Variants in TPP2 observed in about 807,000 individuals in gnomAD.
TPP2 encodes tripeptidyl-peptidase 2.
A neutral mutation model predicts 155.9 loss-of-function variants in TPP2; 34 were observed. The observed-to-expected ratio is 0.22, with a 90% CI of 0.17 to 0.29. TPP2 has a LOEUF of 0.29. TPP2 is among the 10% of genes least tolerant of loss of function. The probability of loss-of-function intolerance (pLI) is 1.00; values close to 1 mark genes in which losing one functional copy is unlikely to be tolerated. For missense variants in TPP2, 1,028 were observed against 1,522.3 expected (o/e 0.68, Z 5.40); for synonymous variants, 510 against 529.4 (o/e 0.96, Z 0.50).
chr13:102,628,101 C>T (rs1458121009), intron 8 of TPP2, among the ~76,000 whole-genome samples, 177 bp downstream of exon 8: 2 of 152,138 alleles, frequency 1.3e-5, no homozygotes, highest in African/African-American at 4.8e-5. Flanking sequence ...TCGTAGGCCG[C>T]ACACCCCCGT....
chr13:102,668,111 G>A (rs681612), intron 27 of TPP2, among the ~76,000 whole-genome samples: 123,668 of 152,026 alleles, frequency 0.81, 50,774 homozygotes, highest in African/African-American at 0.9. Flanking sequence ...AGTCAAATTT[G>A]TCTAGCGCAA....
At chr13:102,656,495 C>T (rs560821571) in intron 24 of TPP2, among the ~76,000 whole-genome samples, 4 of 152,144 alleles carry the variant, frequency 2.6e-5, no homozygotes, top group Admixed American at 2.6e-4. Flanking sequence ...TCGGCTCCCC[C>T]TCGTTACCTG....
At chr13:102,643,181 C>A (rs778929997) in intron 16 of TPP2, 41 bp from the exon 17 acceptor site, 1 of 1,531,020 alleles carries the variant, frequency 6.5e-7, no homozygotes, top group Admixed American at 2.2e-5. Context: ...AATTTTAGGT[C>A]TTATAAGTTT....
intron 5 of TPP2, 56 bp downstream of exon 5, chr13:102,618,902 G>A: frequency 6.4e-7 from 1 of 1,554,190 alleles, no homozygotes; most frequent in East Asian, 2.3e-5. Context: ...TTTCTACTCT[G>A]AAAAACATTA....
chr13:102,647,167 A>C (rs17507295), intron 20 of TPP2, 40 bp from the exon 21 acceptor site: 1 of 1,550,546 alleles, frequency 6.4e-7, no homozygotes, highest in Admixed American at 1.9e-5. Context: ...CAGAAATTAT[A>C]TGCAAATCAT....
chr13:102,619,748 CTT>C (rs1391983705), intron 5 of TPP2, among the ~76,000 whole-genome samples: 2 of 152,200 alleles, frequency 1.3e-5, no homozygotes. Context: ...GCACATAACT[CTT>C]TCAATCTAGA....
chr13:102,671,635 C>T (rs181995872), intron 27 of TPP2, among the ~76,000 whole-genome samples: 2 of 152,152 alleles, frequency 1.3e-5, no homozygotes, highest in African/African-American at 2.4e-5. Context: ...GTCAATTTTG[C>T]GTTACCAGGC....
chr13:102,637,271 A>G, intron 14 of TPP2, 32 bp downstream of exon 14: 1 of 1,560,464 alleles, frequency 6.4e-7, no homozygotes, highest in Non-Finnish European at 8.6e-7. Flanking sequence ...TACTTTCTTC[A>G]CTCTTTAAAA....
intron 14 of TPP2, 109 bp downstream of exon 14, chr13:102,637,348 C>G: frequency 2.5e-6 from 3 of 1,187,770 alleles, no homozygotes; most frequent in Non-Finnish European, 3.4e-6. Context: ...TAAGAAATAA[C>G]TAGACCTATC....
intron 6 of TPP2, among the ~76,000 whole-genome samples, chr13:102,625,677 A>G (rs900397816): frequency 1.3e-5 from 2 of 152,242 alleles, no homozygotes; most frequent in Non-Finnish European, 2.9e-5. Flanking sequence ...GAAATAAGAA[A>G]GCCAGAATCC....
At chr13:102,636,138 A>G (rs1441675944) in intron 12 of TPP2, 86 bp from the exon 13 acceptor site, 6 of 1,356,830 alleles carry the variant, frequency 4.4e-6, no homozygotes, top group Non-Finnish European at 6.0e-6. Flanking sequence ...TTGTTTTACA[A>G]CTGAAATCAA....
At chr13:102,605,270 G>A (rs911758737) in intron 2 of TPP2, among the ~76,000 whole-genome samples, 1 of 152,192 alleles carries the variant, frequency 6.6e-6, no homozygotes, top group Non-Finnish European at 1.5e-5. Context: ...GGGCCTCTCC[G>A]CAGTGCTGCA....
At chr13:102,613,064 A>T (rs927145271) in intron 2 of TPP2, among the ~76,000 whole-genome samples, 1 of 152,166 alleles carries the variant, frequency 6.6e-6, no homozygotes, top group Admixed American at 6.5e-5. Context: ...CAGAATTCCT[A>T]TTCTTTAAAG....
In TPP2 at chr13:102,604,863, C is replaced by T; in HGVS notation, c.236C>T (p.Ala79Val). 1 of 1,614,046 alleles carries T rather than the reference C, an allele frequency of 6.2e-7. No homozygotes were observed. The highest frequency in any genetic ancestry group is 8.5e-7 in the Non-Finnish European group (1 of 1,180,016). The change falls in exon 2 of 30, where the codon GCT becomes GTT. Residue 79 changes from alanine to valine, a missense_variant. Ala to Val is a moderately conservative substitution (Grantham distance 64, BLOSUM62 0). Coordinates refer to ENST00000376052, the MANE Select transcript of TPP2 (RefSeq NM_001330588.2). ...ACAGGAAGTGGCGATGTGAATACTG[C>T]TACAGAAGTAGAGCCAAAGGATGGT... ...DTTGSGDVNT[A>V]TEVEPKDGEI...
rs777613589 is a variant in TPP2, at chr13:102,664,804, A to G, written c.3250A>G (p.Lys1084Glu). Residue 1084 changes from lysine (K) to glutamate (E), a missense_variant, in exon 27 of 30, where the codon AAA becomes GAA. Lys to Glu is a moderately conservative substitution (Grantham distance 56). Transcript: ENST00000376052. ...HQLDAEKERMKRLNEIVDAAN... is the reference protein window; with the variant it reads ...HQLDAEKERMERLNEIVDAAN... Reference sequence around the variant, plus strand: ...CTTTTTTCCTCTCCAGGAACGAATGAAAAGACTTAATGAAATTGTTGATGC... The same window carrying G: ...CTTTTTTCCTCTCCAGGAACGAATGGAAAGACTTAATGAAATTGTTGATGC... 6.2e-7 allele frequency: 1 copy of G among 1,612,888 alleles called. No individual in the cohort carries two copies. The highest frequency in any genetic ancestry group is 1.1e-5 in the South Asian group (1 of 90,866).
rs79826600 is a variant in TPP2, at chr13:102,613,751, T to C, written c.295-350T>C. On this transcript the variant is annotated intron_variant, in intron 2 of 29. Coordinates refer to ENST00000376052, the MANE Select transcript of TPP2 (RefSeq NM_001330588.2). ...TTGTAAACTAGGCGTACTGTTTGCA[T>C]CGCTCTACTAAAAGTTTAAAGTGTT... 1.8e-3 allele frequency among the ~76,000 whole-genome samples: 267 copies of C among 152,334 alleles called. 5 individuals carry two copies. In the East Asian group the frequency reaches 0.048, roughly 27 times the overall value.
intron 25 of TPP2, among the ~76,000 whole-genome samples, chr13:102,659,411 T>C (rs595607): frequency 0.5 from 75,419 of 151,982 alleles, 19,098 homozygotes; most frequent in African/African-American, 0.6. Context: ...CAAATAGACA[T>C]AGCATGTTAA....
intron 10 of TPP2, among the ~76,000 whole-genome samples, chr13:102,632,306 A>G (rs1029997168): frequency 1.3e-5 from 2 of 151,226 alleles, no homozygotes; most frequent in Non-Finnish European, 2.9e-5. Flanking sequence ...GTGCAGTGGC[A>G]TGATCTCGGC....
At chr13:102,597,564 G>C (rs1032137414) in intron 1 of TPP2, among the ~76,000 whole-genome samples, 28 of 151,740 alleles carry the variant, frequency 1.8e-4, no homozygotes, top group African/African-American at 6.5e-4. Context: ...CTGCCAGGCC[G>C]GACCCCCCAG....
Sources: gnomAD v4.1 joint callset for allele counts (sites outside exome capture counted in the v4.1 genomes callset) on GRCh38, gnomAD v4.1.1 for gene constraint, MANE v1.5 for transcripts, NCBI Gene and HGNC (gene_info 2026-07-23, HGNC 2026-07-21) for gene names.